Variants in RBFOX1 observed in about 807,000 individuals in gnomAD.
The protein encoded by RBFOX1 is RNA binding fox-1 homolog 1.
RBFOX1 carries 8 observed loss-of-function variants against 57.7 expected under a neutral mutation model. The ratio of observed to expected loss-of-function variants is 0.14; its 90% CI spans 0.08 to 0.25. The LOEUF is 0.25. Among genes scored for constraint, RBFOX1 ranks in the 10% least tolerant of loss-of-function variants. RBFOX1 has a pLI of 1.00. For synonymous variants in RBFOX1, 326 were observed against 222.4 expected, an observed-to-expected ratio of 1.47 and a Z score of -4.15; for missense variants, 611 against 548.5, an observed-to-expected ratio of 1.11 and a Z score of -1.14.
chr16:5,326,512 C>T (rs2064577488), intron 1 of RBFOX1, among the ~76,000 whole-genome samples: 1 of 152,184 alleles, frequency 6.6e-6, no homozygotes, highest in South Asian at 2.1e-4. Flanking sequence ...TTCAGATAGG[C>T]TGTGACCAGA....
intron 4 of RBFOX1, among the ~76,000 whole-genome samples, chr16:5,909,017 A>G (rs12443908): frequency 0.056 from 8,580 of 151,886 alleles, 317 homozygotes; most frequent in African/African-American, 0.081. Context: ...ACTGTGAGAA[A>G]TAAATTTCTT....
intron 3 of RBFOX1, among the ~76,000 whole-genome samples, chr16:5,733,845 C>T (rs901926820): frequency 3.3e-5 from 5 of 151,968 alleles, no homozygotes; most frequent in African/African-American, 1.2e-4. Context: ...TCTAGTCTTT[C>T]CCTGGGATGC....
rs145429863 is a variant in RBFOX1, at chr16:6,863,525, A to T, written c.-15-188532A>T. On this transcript the variant is annotated intron_variant, in intron 3 of 15. Transcript: ENST00000550418. ...ATAGCAGGAACTGTGTTTTAATACTAATTACAATTATTTTCTGGTTACATA... is the reference window on the plus strand; with the variant it reads ...ATAGCAGGAACTGTGTTTTAATACTTATTACAATTATTTTCTGGTTACATA... Among the ~76,000 whole-genome samples the T allele has an allele frequency of 2.5e-3, 383 of 152,144 alleles. 8 individuals are homozygous for T. The highest frequency in any genetic ancestry group is 0.021 in the Admixed American group (317 of 15,282).
chr16:6,622,268 T>C (rs2098243868), intron 2 of RBFOX1, among the ~76,000 whole-genome samples: 1 of 152,222 alleles, frequency 6.6e-6, no homozygotes, highest in Non-Finnish European at 1.5e-5. Context: ...AGACTACATA[T>C]ATGACTGTGG....
At chr16:6,621,435 G>T (rs1234506467) in intron 2 of RBFOX1, among the ~76,000 whole-genome samples, 1 of 152,172 alleles carries the variant, frequency 6.6e-6, no homozygotes, top group Non-Finnish European at 1.5e-5. Flanking sequence ...CTGCGCTCCA[G>T]CCTGGGTGAC....
At chr16:6,573,279 C>T (rs758067175) in intron 2 of RBFOX1, among the ~76,000 whole-genome samples, 2 of 152,100 alleles carry the variant, frequency 1.3e-5, no homozygotes, top group South Asian at 2.1e-4. Context: ...CACGCCTCAC[C>T]GAAGTCTGCC....
chr16:5,511,794 T>C (rs759895007), intron 2 of RBFOX1, among the ~76,000 whole-genome samples: 1 of 152,186 alleles, frequency 6.6e-6, no homozygotes, highest in East Asian at 1.9e-4. Flanking sequence ...TGAATGTAAC[T>C]ATGTCCCCAA....
At chr16:7,016,036 T>G (rs1460900853) in intron 3 of RBFOX1, among the ~76,000 whole-genome samples, 1 of 152,144 alleles carries the variant, frequency 6.6e-6, no homozygotes, top group African/African-American at 2.4e-5. Flanking sequence ...AGACTACACT[T>G]CCTAGTCACT....
intron 2 of RBFOX1, among the ~76,000 whole-genome samples, chr16:6,622,568 T>G (rs1209477252): frequency 6.6e-6 from 1 of 152,202 alleles, no homozygotes; most frequent in Non-Finnish European, 1.5e-5. Flanking sequence ...GATGCATTTC[T>G]TAGAATGTAT....
intron 13 of RBFOX1, among the ~76,000 whole-genome samples, chr16:7,666,468 T>C (rs1196576150): frequency 6.6e-6 from 1 of 152,154 alleles, no homozygotes; most frequent in Non-Finnish European, 1.5e-5. Flanking sequence ...TCTTCACGCC[T>C]CAGTTTCTTC....
chr16:6,481,814 G>A (rs937966448), intron 2 of RBFOX1, among the ~76,000 whole-genome samples: 3 of 152,152 alleles, frequency 2.0e-5, no homozygotes, highest in African/African-American at 7.2e-5. Context: ...CACTGACCCT[G>A]TAAGAAAGGC....
At chr16:6,149,588 GA>G (rs1488159014) in intron 1 of RBFOX1, among the ~76,000 whole-genome samples, 1 of 152,206 alleles carries the variant, frequency 6.6e-6, no homozygotes, top group African/African-American at 2.4e-5. Context: ...GCATCCCTTA[GA>G]TGAGGCAGAT....
intron 10 of RBFOX1, among the ~76,000 whole-genome samples, chr16:7,621,077 G>A (rs1282481019): frequency 1.3e-5 from 2 of 152,038 alleles, no homozygotes; most frequent in Non-Finnish European, 2.9e-5. Context: ...TCTGCATTTA[G>A]AAGAGTCCCA....
chr16:5,603,430 G>A (rs140140210), downstream of RBFOX1, among the ~76,000 whole-genome samples: 837 of 152,278 alleles, frequency 5.5e-3, 15 homozygotes, highest in Non-Finnish European at 4.0e-3. Flanking sequence ...AGATTGGGCT[G>A]TTTCCCATGC....
chr16:5,496,523 C>T (rs149612632), intron 2 of RBFOX1, among the ~76,000 whole-genome samples: 291 of 152,258 alleles, frequency 1.9e-3, no homozygotes, highest in African/African-American at 6.6e-3. Flanking sequence ...GGTCGTACTC[C>T]GTGGTTATCC....
At chr16:7,643,685 C>T (rs376884350) in intron 11 of RBFOX1, among the ~76,000 whole-genome samples, 8 of 152,268 alleles carry the variant, frequency 5.3e-5, no homozygotes, top group South Asian at 2.1e-4. Context: ...CCCCTCACAT[C>T]GAGATGTAGA....
intron 5 of RBFOX1, among the ~76,000 whole-genome samples, chr16:7,575,381 G>T (rs568279009): frequency 1.3e-5 from 2 of 151,992 alleles, no homozygotes; most frequent in African/African-American, 4.8e-5. Context: ...GATCTGCCCC[G>T]CTCAGCCTCC....
At chr16:5,409,049 A>G (rs2151458772) in intron 1 of RBFOX1, among the ~76,000 whole-genome samples, 1 of 152,114 alleles carries the variant, frequency 6.6e-6, no homozygotes, top group South Asian at 2.1e-4. Flanking sequence ...ACGCTGTTGG[A>G]ATTTCAGATG....
intron 2 of RBFOX1, among the ~76,000 whole-genome samples, chr16:6,552,110 G>C (rs1044142013): frequency 2.0e-5 from 3 of 152,142 alleles, no homozygotes; most frequent in African/African-American, 7.2e-5. Context: ...ACTGCTTCCT[G>C]CTGGGACAAT....
Sources: gnomAD v4.1 joint callset for allele counts (sites outside exome capture counted in the v4.1 genomes callset) on GRCh38, gnomAD v4.1.1 for gene constraint, MANE v1.5 for transcripts, NCBI Gene and HGNC (gene_info 2026-07-23, HGNC 2026-07-21) for gene names.